Variants in ACAD11 observed in about 807,000 individuals in gnomAD.
ACAD11 encodes the protein acyl-CoA dehydrogenase family member 11, also known as acyl-Coenzyme A dehydrogenase family, member 11.
A neutral mutation model predicts 102.2 loss-of-function variants in ACAD11; 83 were observed. The ratio of observed to expected loss-of-function variants is 0.81; its 90% confidence interval spans 0.68 to 0.97. The LOEUF is 0.97. Ranked by LOEUF, ACAD11 falls within the 50% of genes least tolerant of loss-of-function variation. ACAD11 has a pLI of 0.00. For synonymous variants in ACAD11, 324 were observed against 319.8 expected, an observed-to-expected ratio of 1.01 and a Z score of -0.14; for missense variants, 901 against 951.7, an observed-to-expected ratio of 0.95 and a Z score of 0.70.
intron 1 of ACAD11, chr3:132,646,569 C>T (rs988597034): frequency 6.6e-5 from 10 of 152,296 alleles, no homozygotes; most frequent in African/African-American, 2.2e-4. Context: ...GATAGAGTGA[C>T]CCAGCAAGTC....
chr3:132,585,528 G>C (rs1322585011), intron 13 of ACAD11, among the ~76,000 whole-genome samples: 1 of 152,114 alleles, frequency 6.6e-6, no homozygotes, highest in Non-Finnish European at 1.5e-5. Context: ...CACAGCAAAA[G>C]AAACTACCAT....
chr3:132,621,347 A>G (rs1481248100), intron 9 of ACAD11: 8 of 152,244 alleles, frequency 5.3e-5, no homozygotes, highest in Non-Finnish European at 1.0e-4. Context: ...ATTAAACAAC[A>G]GTTAAGATTG....
At chr3:132,649,720 T>C (rs1337287324) in intron 1 of ACAD11, 2 of 152,216 alleles carry the variant, frequency 1.3e-5, no homozygotes, top group Non-Finnish European at 2.9e-5. Flanking sequence ...TCTCTGTGTC[T>C]TATTTCTTTT....
intron 11 of ACAD11, among the ~76,000 whole-genome samples, chr3:132,614,425 T>C (rs1466132198): frequency 6.6e-6 from 1 of 152,138 alleles, no homozygotes; most frequent in Non-Finnish European, 1.5e-5. Context: ...CTTCAAACTA[T>C]ACTACGAGGC....
intron 17 of ACAD11, among the ~76,000 whole-genome samples, chr3:132,571,006 A>G (rs574562257): frequency 6.6e-6 from 1 of 152,266 alleles, no homozygotes; most frequent in South Asian, 2.1e-4. Context: ...AATGACTTAT[A>G]TACCTTTGCG....
intron 2 of ACAD11, 25 bp downstream of exon 2, chr3:132,644,772 T>G (rs1940654579): frequency 1.4e-6 from 2 of 1,457,444 alleles, no homozygotes; most frequent in East Asian, 2.4e-5. Context: ...ACCAAAGAAT[T>G]TATCATTACA....
At chr3:132,626,922 C>T in intron 8 of ACAD11, 105 bp from the exon 9 acceptor site, 1 of 1,094,360 alleles carries the variant, frequency 9.1e-7, no homozygotes, top group Non-Finnish European at 1.3e-6. Flanking sequence ...CAAAAAACAT[C>T]CCCCAGAAGG....
intron 17 of ACAD11, among the ~76,000 whole-genome samples, chr3:132,564,671 G>A (rs1340752958): frequency 1.3e-5 from 2 of 152,148 alleles, no homozygotes; most frequent in African/African-American, 4.8e-5. Context: ...GCTCTGCATT[G>A]TGGCTTACAG....
At chr3:132,632,872 C>G (rs940536721) in intron 5 of ACAD11, among the ~76,000 whole-genome samples, 6 of 152,026 alleles carry the variant, frequency 3.9e-5, no homozygotes, top group African/African-American at 1.4e-4. Flanking sequence ...TGATTTGGCT[C>G]TCTGTCTGTT....
chr3:132,566,252 A>G (rs1270630166), intron 17 of ACAD11, among the ~76,000 whole-genome samples: 2 of 150,880 alleles, frequency 1.3e-5, no homozygotes. Flanking sequence ...GGAAGATAGG[A>G]CAATAGAAAC....
At chr3:132,590,248 GT>G (rs938999267) in intron 13 of ACAD11, among the ~76,000 whole-genome samples, 1 of 151,836 alleles carries the variant, frequency 6.6e-6, no homozygotes, top group African/African-American at 2.4e-5. Context: ...GTAGTTCTGG[GT>G]TTTTTGTTTT....
At chr3:132,649,338 A>C (rs1559978312) in intron 1 of ACAD11, among the ~76,000 whole-genome samples, 1 of 152,186 alleles carries the variant, frequency 6.6e-6, no homozygotes, top group Admixed American at 6.5e-5. Flanking sequence ...CCAATTGTAC[A>C]TTTGTTTAAT....
At chr3:132,588,190 C>CA (rs1414693752) in intron 13 of ACAD11, among the ~76,000 whole-genome samples, 1 of 134,206 alleles carries the variant, frequency 7.5e-6, no homozygotes, top group African/African-American at 3.5e-5. Flanking sequence ...TTCAGGCAGG[C>CA]AGGTATGTAT....
rs79776973 is a variant in ACAD11, at chr3:132,606,161, T to C, written c.1415-956A>G. Among the ~76,000 whole-genome samples the C allele has an allele frequency of 4.6e-3, 695 of 152,342 alleles. 3 individuals are homozygous for C. The highest frequency in any genetic ancestry group is 6.8e-3 in the Non-Finnish European group (462 of 68,030). The stretch of plus-strand genomic sequence containing the variant: ...TGAGAAAACAATTTTCATATCAACA[T>C]TTACAATGACTTTAAGGTTAGTTAC... On this transcript the variant is annotated intron_variant, in intron 11 of 19. Coordinates refer to ENST00000264990, the MANE Select transcript of ACAD11 (RefSeq NM_032169.5).
chr3:132,618,530 A>G (rs1939495542), intron 11 of ACAD11, 104 bp downstream of exon 11: 4 of 1,043,952 alleles, frequency 3.8e-6, no homozygotes, highest in Admixed American at 4.0e-5. Context: ...AGCTAAATTC[A>G]TAAGTCAATA....
intron 9 of ACAD11, among the ~76,000 whole-genome samples, chr3:132,625,893 G>A (rs149780876): frequency 2.6e-5 from 4 of 152,172 alleles, no homozygotes; most frequent in East Asian, 1.9e-4. Flanking sequence ...CTGAGGCCAC[G>A]CAAGACCATC....
At chr3:132,591,719 G>A (rs1018168274) in intron 13 of ACAD11, among the ~76,000 whole-genome samples, 4 of 151,712 alleles carry the variant, frequency 2.6e-5, no homozygotes, top group East Asian at 1.9e-4. Context: ...GCGACACCTC[G>A]TCTATACAAA....
In ACAD11 at chr3:132,579,518, TC is replaced by T. The variant is rs765179971; in HGVS notation, c.1661del (p.Gly554GlufsTer16). The T allele has an allele frequency of 2.5e-6, 4 of 1,613,136 alleles. No individual in the cohort carries two copies. The highest frequency in any genetic ancestry group is 3.4e-6 in the Non-Finnish European group (4 of 1,179,380). ...TGGAGAGAGAAGTATTTTGAGTTCT[TC>T]CCAAAACAATTGCAATTTTGCACTT... ...NPKCKIAIVL[G>X]RTQNTSLSRH... is the part of the protein sequence containing the mutation. On this transcript the variant is annotated frameshift_variant, in exon 14 of 20. Coordinates refer to ENST00000264990, the MANE Select transcript of ACAD11 (RefSeq NM_032169.5). LOFTEE classifies it high-confidence loss of function.
intron 5 of ACAD11, among the ~76,000 whole-genome samples, chr3:132,633,914 G>T (rs1940158224): frequency 8.1e-6 from 1 of 124,200 alleles, no homozygotes; most frequent in Admixed American, 8.1e-5. Flanking sequence ...ATTCAAGATG[G>T]ATTAAAGACT....
Sources: gnomAD v4.1 joint callset for allele counts (sites outside exome capture counted in the v4.1 genomes callset) on GRCh38, gnomAD v4.1.1 for gene constraint, MANE v1.5 for transcripts, NCBI Gene and HGNC (gene_info 2026-07-23, HGNC 2026-07-21) for gene names.